Variants in NRXN3 observed in about 807,000 individuals in gnomAD.
NRXN3 encodes the protein neurexin 3.
In NRXN3, 32 loss-of-function variants were observed where a neutral mutation model predicts 137.6. The observed-to-expected ratio is 0.23, with a 90% CI of 0.18 to 0.31. The LOEUF (loss-of-function observed/expected upper bound fraction) is 0.31. Ranked by LOEUF, NRXN3 falls within the 10% of genes least tolerant of loss-of-function variation. The pLI, the probability that NRXN3 is intolerant of heterozygous loss-of-function variation, is 1.00. For synonymous variants in NRXN3, 798 were observed against 784.5 expected (o/e 1.02, Z -0.29); for missense variants, 1,574 against 2,062.5 (o/e 0.76, Z 4.59).
intron 1 of NRXN3, among the ~76,000 whole-genome samples, chr14:78,188,291 A>T (rs531425237): frequency 6.6e-6 from 1 of 152,344 alleles, no homozygotes; most frequent in South Asian, 2.1e-4. Context: ...TCAAGATCCC[A>T]CAGTGTGAGG....
chr14:78,521,494 T>G (rs1424849127), intron 4 of NRXN3, among the ~76,000 whole-genome samples: 1 of 152,216 alleles, frequency 6.6e-6, no homozygotes, highest in African/African-American at 2.4e-5. Flanking sequence ...TATGCAGAAG[T>G]GCTCTGCCTG....
intron 16 of NRXN3, among the ~76,000 whole-genome samples, chr14:79,532,292 A>C (rs2097176615): frequency 6.6e-6 from 1 of 152,184 alleles, no homozygotes; most frequent in South Asian, 2.1e-4. Flanking sequence ...TAAGCTTTCC[A>C]CTGATAATTA....
chr14:78,227,770 C>T (rs2064870464), intron 1 of NRXN3, among the ~76,000 whole-genome samples: 1 of 152,196 alleles, frequency 6.6e-6, no homozygotes, highest in African/African-American at 2.4e-5. Context: ...AAGACTTGGA[C>T]TTAAGTTTCC....
At chr14:79,415,495 G>A (rs2095483419) in intron 15 of NRXN3, among the ~76,000 whole-genome samples, 1 of 152,116 alleles carries the variant, frequency 6.6e-6, no homozygotes, top group African/African-American at 2.4e-5. Context: ...CATTTCATGG[G>A]AGGGTCTTGA....
At chr14:78,633,328 GT>G (rs2097539687) in intron 4 of NRXN3, among the ~76,000 whole-genome samples, 1 of 149,816 alleles carries the variant, frequency 6.7e-6, no homozygotes, top group Non-Finnish European at 1.5e-5. Context: ...CTTTCTTCTA[GT>G]TTTATGCACC....
intron 16 of NRXN3, among the ~76,000 whole-genome samples, chr14:79,604,676 A>G (rs979238451): frequency 2.6e-5 from 4 of 152,206 alleles, no homozygotes; most frequent in African/African-American, 9.6e-5. Context: ...ATAAGAAGAT[A>G]AAAAGCTACC....
intron 10 of NRXN3, among the ~76,000 whole-genome samples, chr14:78,940,106 T>C (rs905395423): frequency 2.6e-5 from 4 of 152,202 alleles, no homozygotes; most frequent in Non-Finnish European, 4.4e-5. Context: ...GCTACATCTT[T>C]AGACTCATTT....
intron 15 of NRXN3, among the ~76,000 whole-genome samples, chr14:79,402,678 A>G (rs969645871): frequency 1.3e-5 from 2 of 152,200 alleles, no homozygotes; most frequent in African/African-American, 4.8e-5. Flanking sequence ...ACTTGCCACC[A>G]TTGAAGAATT....
At chr14:79,117,622 G>C (rs2054671646) in intron 15 of NRXN3, among the ~76,000 whole-genome samples, 2 of 152,214 alleles carry the variant, frequency 1.3e-5, no homozygotes, top group Non-Finnish European at 2.9e-5. Flanking sequence ...AGACAAGTGT[G>C]ATCGGTAGAA....
chr14:78,713,329 G>A (rs2098418063), intron 7 of NRXN3, among the ~76,000 whole-genome samples: 1 of 152,054 alleles, frequency 6.6e-6, no homozygotes, highest in Non-Finnish European at 1.5e-5. Flanking sequence ...CCACACATCT[G>A]CCTACCTCAG....
chr14:79,737,065 T>A (rs2098944426), intron 19 of NRXN3, among the ~76,000 whole-genome samples: 1 of 152,228 alleles, frequency 6.6e-6, no homozygotes, highest in Admixed American at 6.5e-5. Context: ...AAGCTGCAAT[T>A]TTTTGTGTGT....
At chr14:78,404,061 A>G (rs980426863) in intron 4 of NRXN3, among the ~76,000 whole-genome samples, 3 of 152,116 alleles carry the variant, frequency 2.0e-5, no homozygotes, top group Non-Finnish European at 4.4e-5. Flanking sequence ...AAGAGAAAGG[A>G]TAACCAAAAG....
chr14:78,501,274 A>T (rs1415005581), intron 4 of NRXN3, among the ~76,000 whole-genome samples: 1 of 152,180 alleles, frequency 6.6e-6, no homozygotes, highest in Non-Finnish European at 1.5e-5. Flanking sequence ...GGCTGCAGTC[A>T]TCCTAAGGGT....
intron 16 of NRXN3, among the ~76,000 whole-genome samples, chr14:79,520,347 C>T (rs1239414584): frequency 6.6e-6 from 1 of 152,070 alleles, no homozygotes; most frequent in Non-Finnish European, 1.5e-5. Context: ...GCAGAACATA[C>T]AGGTTTGTTA....
At chr14:79,316,368 C>A (rs567170741) in intron 15 of NRXN3, among the ~76,000 whole-genome samples, 1 of 152,168 alleles carries the variant, frequency 6.6e-6, no homozygotes, top group East Asian at 1.9e-4. Context: ...AACAAGAAAC[C>A]CAATCTCTGT....
chr14:79,660,180 G>A (rs1329583746), intron 16 of NRXN3, among the ~76,000 whole-genome samples: 1 of 152,130 alleles, frequency 6.6e-6, no homozygotes, highest in African/African-American at 2.4e-5. Flanking sequence ...TTGCATGGCA[G>A]CTGTGCATGA....
At chr14:79,509,714 T>C (rs113444470) in intron 16 of NRXN3, among the ~76,000 whole-genome samples, 10 of 151,938 alleles carry the variant, frequency 6.6e-5, no homozygotes, top group African/African-American at 2.4e-4. Context: ...TGTCAACATA[T>C]ATAAAAAATC....
chr14:79,120,688 C>A (rs1297916296), intron 15 of NRXN3, among the ~76,000 whole-genome samples: 2 of 151,898 alleles, frequency 1.3e-5, no homozygotes, highest in South Asian at 4.2e-4. Flanking sequence ...TATTATTCAC[C>A]TTTTCTTCTT....
chr14:78,582,414 G>T (rs2097010538), intron 4 of NRXN3, among the ~76,000 whole-genome samples: 1 of 152,178 alleles, frequency 6.6e-6, no homozygotes, highest in African/African-American at 2.4e-5. Flanking sequence ...GAAGAGAATA[G>T]CTACTGTGGT....
Sources: allele counts gnomAD v4.1 joint callset (sites outside exome capture counted in the v4.1 genomes callset), GRCh38; gene constraint gnomAD v4.1.1; transcripts MANE v1.5; gene names NCBI Gene and HGNC (gene_info 2026-07-23, HGNC 2026-07-21).